FAM120B: variants seen among roughly 807,000 people sequenced by gnomAD.
FAM120B encodes constitutive coactivator of peroxisome proliferator-activated receptor gamma.
In FAM120B, 83 loss-of-function variants were observed where a neutral mutation model predicts 96.3. That is an observed-to-expected ratio of 0.86 (90% CI 0.72 to 1.03). The LOEUF is 1.03. FAM120B is among the 50% of genes least tolerant of loss of function. FAM120B has a pLI of 0.00. For missense variants in FAM120B, 1,027 were observed against 1,121.2 expected (o/e 0.92, Z 1.20); for synonymous variants, 407 against 402.7 (o/e 1.01, Z -0.13).
At chr6:170,329,654 C>G (rs371436708) in intron 3 of FAM120B, among the ~76,000 whole-genome samples, 1 of 151,956 alleles carries the variant, frequency 6.6e-6, no homozygotes, top group South Asian at 2.1e-4. Flanking sequence ...TAGCGAATCT[C>G]TGTTGTCTCA....
chr6:170,318,304 T>C lies in FAM120B; in HGVS notation c.914T>C (p.Leu305Pro). ...ALFYKGMASY[L>P]LPGQKSPWFF... ...TTTTATAAAGGAATGGCATCATATC[T>C]TTTACCAGGACAAAAATCTCCATGG... The change falls in exon 2 of 11, where the codon CTT becomes CCT. Residue 305 changes from leucine to proline, a missense_variant. Leu to Pro is a moderately conservative substitution (Grantham distance 98). Transcript: ENST00000476287. The C allele has an allele frequency of 1.2e-6, 2 of 1,614,162 alleles. No homozygotes were observed. The highest frequency in any genetic ancestry group is 1.7e-6 in the Non-Finnish European group (2 of 1,180,022).
rs745671089 is a variant in FAM120B at position 170,295,476 on chromosome 6, C to G, written c.48+23C>G. 17 of 697,362 alleles carry G rather than the reference C, an allele frequency of 2.4e-5. 1 individual carries two copies. The South Asian group carries it at 2.5e-4, about 10-fold the overall frequency. The allele number at this position is 697,362 out of a possible 1,614,324, so 43.2% of individuals were successfully genotyped here. ...GAGGTGAGCGCCGCCCGCGTGCACA[C>G]AAGGCGCGCGGCCCCCAGGCAGCCG... On this transcript the variant is annotated intron_variant, in intron 1 of 10. Coordinates refer to the FAM120B transcript ENST00000537664. The surrounding 1 kb of genome is among the most constrained non-coding windows in gnomAD (Gnocchi z 7.8).
intron 1 of FAM120B, among the ~76,000 whole-genome samples, chr6:170,315,347 G>A (rs1240478123): frequency 2.0e-5 from 3 of 152,082 alleles, no homozygotes; most frequent in African/African-American, 4.8e-5. Flanking sequence ...AACCTTTTTT[G>A]TATTCTTGTA....
rs868262904 is a variant in FAM120B, at chr6:170,405,129, T to C, written c.*378T>C. ...GATTATGAGGGGTTATCTCCTGTTA[T>C]TAAAAAGTCAGAAAACACTATACAG... is the stretch of plus-strand genomic sequence containing the variant. On this transcript the variant is annotated 3_prime_UTR_variant, in exon 11 of 11. Transcript: ENST00000476287. The C allele has an allele frequency of 6.4e-6, 1 of 156,714 alleles. No individual in the cohort carries two copies. The highest frequency in any genetic ancestry group is 1.4e-5 in the Non-Finnish European group (1 of 71,084). The allele number at this position is 156,714 out of a possible 1,614,324, so 9.7% of individuals were successfully genotyped here. A position where few individuals can be genotyped will look rare whatever the true frequency, so the allele number is the denominator to read the frequency against.
rs1050116576 is a variant in FAM120B, at chr6:170,405,089, T to G, written c.*338T>G. The stretch of plus-strand genomic sequence containing the variant: ...TGGGAATCTGTTGTATTCTGATTTT[T>G]TATTAGCAACACTAGATTATGAGGG... On this transcript the variant is annotated 3_prime_UTR_variant, in exon 11 of 11. Coordinates refer to ENST00000476287, the MANE Select transcript of FAM120B (RefSeq NM_032448.3). The G allele has an allele frequency of 1.0e-4, 16 of 157,440 alleles. No individual in the cohort carries two copies. The highest frequency in any genetic ancestry group is 6.3e-5 in the Admixed American group (1 of 15,864). 9.8% of individuals were successfully genotyped at this position (157,440 alleles called of 1,614,324 possible).
chr6:170,291,845 C>T (rs1366319149), upstream of FAM120B, among the ~76,000 whole-genome samples: 1 of 152,180 alleles, frequency 6.6e-6, no homozygotes, highest in East Asian at 1.9e-4. Context: ...ACTCCCCCCA[C>T]AGACACGCGC....
chr6:170,324,553 T>C (rs188431636), intron 3 of FAM120B, among the ~76,000 whole-genome samples: 29 of 152,348 alleles, frequency 1.9e-4, no homozygotes, highest in African/African-American at 6.7e-4. Context: ...GAAAACATTT[T>C]TACATTAAAT....
At position 170,363,387 on chromosome 6, in the gene FAM120B, G is replaced by A. The variant is rs1228339914; in HGVS notation, c.2283+5069G>A. Among the ~76,000 whole-genome samples the A allele has an allele frequency of 2.6e-5, 4 of 152,248 alleles. No individual in the cohort carries two copies. The highest frequency in any genetic ancestry group is 1.3e-4 in the Admixed American group (2 of 15,290). On this transcript the variant is annotated intron_variant, in intron 6 of 10. Transcript: ENST00000476287. This position sits in a 1 kb window ranked among gnomAD's most constrained non-coding sequence, Gnocchi z 4.5. ...TGCATGTGGCTGCCTCGTACCCACC[G>A]CTGTCCCTGGTGTGCATGGCGAGTG...
chr6:170,325,615 C>T (rs1006811887), intron 3 of FAM120B, among the ~76,000 whole-genome samples: 2 of 151,064 alleles, frequency 1.3e-5, no homozygotes, highest in Non-Finnish European at 1.5e-5. Context: ...CCGAGGCAGG[C>T]GGATCACCTG....
intron 4 of FAM120B, among the ~76,000 whole-genome samples, chr6:170,341,161 GC>G (rs1219276673): frequency 2.6e-5 from 4 of 152,222 alleles, no homozygotes; most frequent in African/African-American, 7.2e-5. Flanking sequence ...TTATCTATAA[GC>G]CCCTGACTGG....
At chr6:170,344,623 G>A (rs1035203752) in intron 4 of FAM120B, among the ~76,000 whole-genome samples, 4 of 152,244 alleles carry the variant, frequency 2.6e-5, no homozygotes, top group Admixed American at 6.5e-5. Flanking sequence ...CTATTGCAGT[G>A]GATGTCCCCG....
intron 3 of FAM120B, among the ~76,000 whole-genome samples, chr6:170,328,772 C>T (rs1436111092): frequency 1.3e-5 from 2 of 152,190 alleles, no homozygotes; most frequent in Non-Finnish European, 2.9e-5. Context: ...ACAGGGTCCA[C>T]ATAGTTTTGC....
intron 1 of FAM120B, among the ~76,000 whole-genome samples, chr6:170,308,297 T>G (rs144731459): frequency 6.6e-6 from 1 of 152,244 alleles, no homozygotes; most frequent in East Asian, 1.9e-4. Flanking sequence ...CATAGCTGGG[T>G]CGGGGTCTTC....
At chr6:170,294,672 G>A (rs1223540961), upstream of FAM120B, among the ~76,000 whole-genome samples, 1 of 152,124 alleles carries the variant, frequency 6.6e-6, no homozygotes, top group Non-Finnish European at 1.5e-5. This position sits in a 1 kb window ranked among gnomAD's most constrained non-coding sequence, Gnocchi z 7.9. Context: ...CCAAAGAAAG[G>A]TTCTATTCTC....
At chr6:170,390,447 A>G (rs1357913849) in intron 7 of FAM120B, among the ~76,000 whole-genome samples, 1 of 152,016 alleles carries the variant, frequency 6.6e-6, no homozygotes, top group Admixed American at 6.6e-5. Context: ...TCTCTTGACC[A>G]AGTTCCAAGT....
intron 4 of FAM120B, chr6:170,330,794 T>C (rs1211241935): frequency 3.9e-6 from 2 of 517,238 alleles, no homozygotes; most frequent in Non-Finnish European, 6.9e-6. Context: ...CCATCCACCC[T>C]GGTCCAGGTC....
rs754978940 is a variant in FAM120B at position 170,317,348 on chromosome 6, ATTAAT to A, written c.-21-18_-21-14del. The A allele has an allele frequency of 1.9e-6, 3 of 1,565,214 alleles. No individual in the cohort carries two copies. Among genetic ancestry groups the A allele is most frequent in the Non-Finnish European group, 2.6e-6 (3 of 1,143,830 alleles). On this transcript the variant is annotated splice_polypyrimidine_tract_variant and intron_variant, in intron 1 of 10. Transcript: ENST00000476287. Reference sequence around the variant, plus strand: ...TCTAATGATAATGCCATAATTACTGATTAATTTATCTTTCTTTCCAGATCCTTTCC... The same window carrying A: ...TCTAATGATAATGCCATAATTACTGATTATCTTTCTTTCCAGATCCTTTCC...
At chr6:170,393,842 G>A (rs959267972) in intron 8 of FAM120B, among the ~76,000 whole-genome samples, 1 of 152,158 alleles carries the variant, frequency 6.6e-6, no homozygotes, top group Non-Finnish European at 1.5e-5. Flanking sequence ...TAGGGACGTG[G>A]TAGGGCCCTG....
intron 2 of FAM120B, among the ~76,000 whole-genome samples, chr6:170,320,708 G>C (rs1785230055): frequency 6.6e-6 from 1 of 152,228 alleles, no homozygotes. Flanking sequence ...TTACTGGCAA[G>C]AGACAGACAT....
Sources: allele counts gnomAD v4.1 joint callset (sites outside exome capture counted in the v4.1 genomes callset), GRCh38; gene constraint gnomAD v4.1.1; non-coding constraint Gnocchi (gnomAD v3.1); transcripts MANE v1.5; gene names NCBI Gene and HGNC (gene_info 2026-07-23, HGNC 2026-07-21).